MYO16: variants seen among roughly 807,000 people sequenced by gnomAD.
MYO16 encodes the protein unconventional myosin-XVI.
In MYO16, 94 loss-of-function variants were observed where a neutral mutation model predicts 205.3. The observed-to-expected ratio is 0.46, with a 90% confidence interval of 0.39 to 0.54. MYO16 has a LOEUF of 0.54. Among genes scored for constraint, MYO16 ranks in the 20% least tolerant of loss-of-function variants. The pLI, the probability that MYO16 is intolerant of heterozygous loss-of-function variation, is 0.00. For missense variants in MYO16, 2,315 were observed against 2,387.5 expected (o/e 0.97, Z 0.63); for synonymous variants, 988 against 954.0 (o/e 1.04, Z -0.66).
In MYO16 at chr13:109,127,409, A is replaced by C. The variant is rs188761340; in HGVS notation, c.3910A>C (p.Ser1304Arg). Residue 1304 changes from serine to arginine, a missense_variant, in exon 31 of 35, where the codon AGC becomes CGC. Around this residue, in one of 3 missense-constraint regions of MYO16, gnomAD observed 1,097 missense variants for 1,092.0 expected, o/e 1.00. Coordinates refer to ENST00000457511, the MANE Select transcript of MYO16 (RefSeq NM_001198950.3). The surrounding 1 kb of genome is among the most constrained non-coding windows in gnomAD (Gnocchi z 4.2). ...GTCTCCTTCGCTGCACTCGGTGTTC[A>C]GCATGGATGACAGCAGCAGCCTCCC... ...IWSPSLHSVF[S>R]MDDSSSLPSP... 2.5e-6 allele frequency: 4 copies of C among 1,614,080 alleles called. No homozygotes were observed. Among genetic ancestry groups the C allele is most frequent in the Non-Finnish European group, 3.4e-6 (4 of 1,179,988 alleles).
At chr13:108,701,363 CAT>C (rs1157866160) in intron 2 of MYO16, among the ~76,000 whole-genome samples, 2 of 152,100 alleles carry the variant, frequency 1.3e-5, no homozygotes, top group Admixed American at 1.3e-4. Flanking sequence ...ACTCTGCCCT[CAT>C]GAGTGGTTTA....
intron 1 of MYO16, among the ~76,000 whole-genome samples, chr13:108,620,911 A>G (rs538972241): frequency 1.1e-4 from 17 of 152,284 alleles, no homozygotes; most frequent in African/African-American, 3.8e-4. Context: ...ATGAGAAGGA[A>G]CAGAGCCTCC....
intron 4 of MYO16, among the ~76,000 whole-genome samples, chr13:108,728,473 T>C (rs1884416036): frequency 6.6e-6 from 1 of 152,288 alleles, no homozygotes; most frequent in Non-Finnish European, 1.5e-5. Flanking sequence ...ACAAGCACCC[T>C]TGCGGAGGTT....
intron 15 of MYO16, among the ~76,000 whole-genome samples, chr13:108,909,545 C>T (rs903207947): frequency 4.6e-5 from 7 of 151,560 alleles, no homozygotes; most frequent in Non-Finnish European, 1.0e-4. Context: ...GGTCTGTCTC[C>T]CTGGGCCTTC....
At chr13:108,679,120 A>T (rs987524798) in intron 2 of MYO16, among the ~76,000 whole-genome samples, 1 of 152,172 alleles carries the variant, frequency 6.6e-6, no homozygotes, top group East Asian at 1.9e-4. Context: ...GGGCTTCAAC[A>T]TAAGAATATT....
chr13:108,818,309 G>T (rs1217494628), intron 7 of MYO16, among the ~76,000 whole-genome samples: 1 of 151,676 alleles, frequency 6.6e-6, no homozygotes, highest in Non-Finnish European at 1.5e-5. Flanking sequence ...GCTTGAACCT[G>T]GGAGAAGGCG....
intron 27 of MYO16, among the ~76,000 whole-genome samples, chr13:109,069,963 C>T (rs550438251): frequency 2.0e-5 from 3 of 152,204 alleles, no homozygotes; most frequent in Non-Finnish European, 4.4e-5. Context: ...ATAGCAGGCA[C>T]AACTATTAGG....
chr13:108,857,057 G>A (rs1038450675), intron 11 of MYO16, among the ~76,000 whole-genome samples: 3 of 151,988 alleles, frequency 2.0e-5, no homozygotes, highest in Non-Finnish European at 2.9e-5. Context: ...CCTGATTATC[G>A]CCTGCCTTCC....
intron 1 of MYO16, among the ~76,000 whole-genome samples, chr13:108,640,291 G>A (rs75821959): frequency 0.068 from 10,349 of 152,228 alleles, 558 homozygotes; most frequent in African/African-American, 0.14. Flanking sequence ...AGATCACAGT[G>A]CAGGCAGGAC....
intron 10 of MYO16, among the ~76,000 whole-genome samples, chr13:108,854,050 G>A (rs1469615367): frequency 1.3e-5 from 2 of 151,692 alleles, no homozygotes; most frequent in Non-Finnish European, 2.9e-5. Context: ...CTGGAGTGCA[G>A]TGGCTGGATT....
intron 2 of MYO16, among the ~76,000 whole-genome samples, chr13:108,679,310 T>G (rs1398236691): frequency 6.6e-6 from 1 of 152,170 alleles, no homozygotes; most frequent in South Asian, 2.1e-4. Flanking sequence ...ACCCGCTTCC[T>G]TCTTTTTCAT....
chr13:108,608,182 C>T (rs1468131788), intron 1 of MYO16, among the ~76,000 whole-genome samples: 2 of 152,162 alleles, frequency 1.3e-5, no homozygotes, highest in Non-Finnish European at 2.9e-5. Flanking sequence ...TTTAGTCGTG[C>T]ACATAGGCCT....
At chr13:108,721,776 G>A (rs1260052287) in intron 3 of MYO16, among the ~76,000 whole-genome samples, 2 of 152,212 alleles carry the variant, frequency 1.3e-5, no homozygotes, top group East Asian at 3.9e-4. Flanking sequence ...CACTGGACAA[G>A]GCTGCAGGAG....
At chr13:108,805,960 A>ATAAATAAATAAATAAC (rs55818251) in intron 6 of MYO16, among the ~76,000 whole-genome samples, 9 of 151,654 alleles carry the variant, frequency 5.9e-5, no homozygotes, top group Non-Finnish European at 5.9e-5. Flanking sequence ...AAATAAATAA[A>ATAAATAAATAAATAAC]ATTAGCTGGG....
In MYO16 at chr13:108,620,259, T is replaced by A. The variant is rs183123419; in HGVS notation, c.-39+24020T>A. On this transcript the variant is annotated intron_variant, in intron 1 of 24. Coordinates refer to the MYO16 transcript ENST00000251041. ...AGGTCATTTCCTAGAAATATTCACT[T>A]AGAAGCTTATTTATAACTTTCTTAC... is the stretch of plus-strand genomic sequence containing the variant. Among the ~76,000 whole-genome samples the A allele has an allele frequency of 3.2e-3, 494 of 152,314 alleles. 1 individual carries two copies. Among genetic ancestry groups the A allele is most frequent in the Non-Finnish European group, 5.6e-3 (380 of 68,018 alleles).
chr13:108,975,201 T>C (rs76303103), intron 20 of MYO16, among the ~76,000 whole-genome samples: 2,499 of 151,906 alleles, frequency 0.016, 55 homozygotes, highest in African/African-American at 0.057. Context: ...TTTTTTTTTT[T>C]ATTAAAAAGG....
At chr13:108,651,783 A>T (rs180973784) in intron 1 of MYO16, among the ~76,000 whole-genome samples, 21 of 152,324 alleles carry the variant, frequency 1.4e-4, no homozygotes, top group African/African-American at 4.8e-4. Context: ...GTGCAGGATT[A>T]TGTGTAGAAC....
chr13:108,843,513 C>CA (rs34805521), intron 9 of MYO16, among the ~76,000 whole-genome samples: 5 of 151,248 alleles, frequency 3.3e-5, no homozygotes, highest in African/African-American at 7.3e-5. Flanking sequence ...TTAAAAGAGG[C>CA]AAAAAAAAAA....
At chr13:108,758,050 G>C (rs1040684469) in intron 4 of MYO16, among the ~76,000 whole-genome samples, 3 of 152,142 alleles carry the variant, frequency 2.0e-5, no homozygotes, top group Non-Finnish European at 2.9e-5. Flanking sequence ...CTCATACAGA[G>C]ACTACAGAGA....
Sources: gnomAD v4.1 joint callset for allele counts (sites outside exome capture counted in the v4.1 genomes callset) on GRCh38, gnomAD v4.1.1 for gene constraint, gnomAD v4.1.1 regional missense constraint, Gnocchi (gnomAD v3.1) non-coding constraint, MANE v1.5 for transcripts, NCBI Gene and HGNC (gene_info 2026-07-23, HGNC 2026-07-21) for gene names.